GSE1: variants seen among roughly 807,000 people sequenced by gnomAD.
GSE1 encodes the protein genetic suppressor element 1.
A neutral mutation model predicts 112.6 loss-of-function variants in GSE1; 32 were observed. The ratio of observed to expected loss-of-function variants is 0.28; its 90% confidence interval spans 0.21 to 0.38. The LOEUF (loss-of-function observed/expected upper bound fraction) is 0.38. Ranked by LOEUF, GSE1 falls within the 10% of genes least tolerant of loss-of-function variation. GSE1 has a pLI of 1.00. For synonymous variants in GSE1, 1,115 were observed against 735.6 expected, an observed-to-expected ratio of 1.52 and a Z score of -8.35; for missense variants, 2,348 against 1,699.2, an observed-to-expected ratio of 1.38 and a Z score of -6.71.
chr16:85,241,138 A>G (rs1905132355), intron 1 of GSE1, among the ~76,000 whole-genome samples: 1 of 151,934 alleles, frequency 6.6e-6, no homozygotes, highest in African/African-American at 2.4e-5. Flanking sequence ...CCTGGCTCTG[A>G]TACTTCCTAG....
chr16:85,485,117 G>C (rs944706707), intron 2 of GSE1, among the ~76,000 whole-genome samples: 11 of 152,226 alleles, frequency 7.2e-5, no homozygotes, highest in Admixed American at 5.9e-4. Flanking sequence ...CAGGATTTAT[G>C]GTTGTCAGAA....
chr16:85,516,965 T>G lies in GSE1; in HGVS notation c.2465-116949T>G, dbSNP rs985241360. Among the ~76,000 whole-genome samples, 4 of 152,106 alleles carry G rather than the reference T, an allele frequency of 2.6e-5. 1 individual carries two copies. On this transcript the variant is annotated intron_variant, in intron 2 of 2. Coordinates refer to the GSE1 transcript ENST00000637419. The stretch of plus-strand genomic sequence containing the variant: ...GGCGCCTGTCACCACGCCCGGCTAA[T>G]TTTTTGTATTTTTAGTAGAGACGGG...
chr16:85,266,642 T>C (rs1897922215), intron 1 of GSE1, among the ~76,000 whole-genome samples: 1 of 151,728 alleles, frequency 6.6e-6, no homozygotes, highest in African/African-American at 2.4e-5. Context: ...TCCTAGTCCT[T>C]TTACCCCCTA....
chr16:85,236,175 G>T (rs1488070745), intron 1 of GSE1, among the ~76,000 whole-genome samples: 1 of 152,204 alleles, frequency 6.6e-6, no homozygotes, highest in African/African-American at 2.4e-5. Context: ...TTCTCCTGGT[G>T]GGGGCTGGGA....
chr16:85,228,171 G>T (rs1366416122), intron 1 of GSE1, among the ~76,000 whole-genome samples: 2 of 152,240 alleles, frequency 1.3e-5, no homozygotes, highest in African/African-American at 4.8e-5. Flanking sequence ...CTGAGTCCCG[G>T]CCCCCGCCGG....
intron 1 of GSE1, among the ~76,000 whole-genome samples, chr16:85,298,144 G>A (rs1272564848): frequency 1.3e-5 from 2 of 152,166 alleles, no homozygotes; most frequent in African/African-American, 2.4e-5. Flanking sequence ...AAGCGGATTC[G>A]AATTCCGCAG....
chr16:85,234,835 C>T (rs1381154429), intron 1 of GSE1, among the ~76,000 whole-genome samples: 1 of 151,998 alleles, frequency 6.6e-6, no homozygotes, highest in East Asian at 1.9e-4. Flanking sequence ...CGGCCGCCAG[C>T]GAATACGGCC....
At chr16:85,530,327 C>A in intron 2 of GSE1, among the ~76,000 whole-genome samples, 2 of 152,318 alleles carry the variant, frequency 1.3e-5, no homozygotes, top group East Asian at 3.9e-4. Context: ...GCAGAGGGAG[C>A]AAGGGCGCGA....
chr16:85,408,471 C>T (rs1353384266), intron 2 of GSE1, among the ~76,000 whole-genome samples: 1 of 55,450 alleles, frequency 1.8e-5, no homozygotes, highest in African/African-American at 8.1e-5. Flanking sequence ...GGATAATCCT[C>T]ACTGTTACTC....
At chr16:85,363,128 C>T (rs547440772) in intron 2 of GSE1, among the ~76,000 whole-genome samples, 2 of 152,316 alleles carry the variant, frequency 1.3e-5, no homozygotes, top group South Asian at 2.1e-4. Context: ...TGAGCCACCG[C>T]ACCCGCTGGA....
chr16:85,606,972 T>C (rs2047732326), upstream of GSE1, among the ~76,000 whole-genome samples: 3 of 151,360 alleles, frequency 2.0e-5, no homozygotes. Flanking sequence ...ATTTCTTTTA[T>C]AGATGCCAGC....
At chr16:85,626,247 T>G (rs2049061347) in intron 1 of GSE1, among the ~76,000 whole-genome samples, 1 of 152,056 alleles carries the variant, frequency 6.6e-6, no homozygotes, top group Non-Finnish European at 1.5e-5. Flanking sequence ...CAAGAAAAAT[T>G]GCTTTGTGCC....
At chr16:85,595,659 A>G (rs961889835) in intron 1 of GSE1, 2 of 148,596 alleles carry the variant, frequency 1.3e-5, no homozygotes, top group Non-Finnish European at 3.0e-5. Context: ...CCTTTCATCT[A>G]TTTCTCTCCC....
intron 2 of GSE1, chr16:85,359,381 G>C (rs564972726): frequency 2.2e-6 from 1 of 456,046 alleles, no homozygotes; most frequent in Admixed American, 2.3e-5. Context: ...AGAGTCCTCC[G>C]GAGCAGAACA....
intron 8 of GSE1, chr16:85,659,381 A>C (rs1447798890): frequency 5.9e-5 from 9 of 152,330 alleles, no homozygotes; most frequent in Admixed American, 5.9e-4. Flanking sequence ...AAAGATAGCC[A>C]GGCACAGTGA....
exon 1 of GSE1, chr16:85,170,376 C>T (rs1421857439): frequency 1.0e-6 from 1 of 985,322 alleles, no homozygotes; most frequent in Non-Finnish European, 1.2e-6. Flanking sequence ...GCCCTCTTGT[C>T]CAAGAGGCCC....
intron 1 of GSE1, among the ~76,000 whole-genome samples, chr16:85,627,502 G>C (rs1416885605): frequency 2.6e-5 from 4 of 151,882 alleles, no homozygotes; most frequent in African/African-American, 9.7e-5. Flanking sequence ...TCCTGGGGGT[G>C]GGGGTCAAGG....
At chr16:85,611,527 C>T (rs963349944), upstream of GSE1, 4 of 972,464 alleles carry the variant, frequency 4.1e-6, no homozygotes, top group South Asian at 4.8e-5. Context: ...GGCCAGCGTC[C>T]GCAGGTAGGA....
At chr16:85,619,038 C>T (rs2048558028) in intron 1 of GSE1, among the ~76,000 whole-genome samples, 1 of 152,194 alleles carries the variant, frequency 6.6e-6, no homozygotes, top group Admixed American at 6.5e-5. Flanking sequence ...TGGGGGTGGC[C>T]CCTTTTCCCA....
Sources: gnomAD v4.1 joint callset for allele counts (sites outside exome capture counted in the v4.1 genomes callset) on GRCh38, gnomAD v4.1.1 for gene constraint, MANE v1.5 for transcripts, NCBI Gene and HGNC (gene_info 2026-07-23, HGNC 2026-07-21) for gene names.